Variants in ADGRV1 observed in about 807,000 individuals in gnomAD.
ADGRV1 encodes the protein adhesion G protein-coupled receptor V1.
In ADGRV1, 359 loss-of-function variants were observed where a neutral mutation model predicts 596.2. The observed-to-expected ratio is 0.60, with a 90% CI of 0.55 to 0.66. ADGRV1 has a LOEUF of 0.66. Ranked by LOEUF, ADGRV1 falls within the 30% of genes least tolerant of loss-of-function variation. ADGRV1 has a pLI of 0.00. For synonymous variants in ADGRV1, 2,681 were observed against 2,679.2 expected (o/e 1.00, Z -0.02); for missense variants, 7,274 against 7,575.6 (o/e 0.96, Z 1.48).
rs139475646 is a variant in ADGRV1 at position 90,682,454 on chromosome 5, A to G, written c.5664+1000A>G. Among the ~76,000 whole-genome samples the G allele has an allele frequency of 1.6e-4, 25 of 152,354 alleles. 1 individual carries two copies. The highest frequency in any genetic ancestry group is 5.8e-4 in the African/African-American group (24 of 41,582). On this transcript the variant is annotated intron_variant, in intron 27 of 89. Transcript: ENST00000405460. ...CTAAAACATGGGTGAACTGGCAATA[A>G]CAATAACTCTATATGATGTGTGTGT... is the stretch of plus-strand genomic sequence containing the variant.
chr5:90,839,586 C>CT (rs1337918268), intron 77 of ADGRV1, among the ~76,000 whole-genome samples: 1 of 152,172 alleles, frequency 6.6e-6, no homozygotes, highest in African/African-American at 2.4e-5. Context: ...CTTGAACAGA[C>CT]TAAGATGGTT....
intron 85 of ADGRV1, among the ~76,000 whole-genome samples, chr5:91,054,116 A>T (rs1300078784): frequency 3.3e-5 from 5 of 151,550 alleles, no homozygotes; most frequent in Non-Finnish European, 4.4e-5. Context: ...AGAGAGAGAG[A>T]GAGAGAGAGA....
At chr5:90,763,618 A>C (rs1756755767) in intron 59 of ADGRV1, 149 bp downstream of exon 59, 2 of 672,718 alleles carry the variant, frequency 3.0e-6, no homozygotes, top group Non-Finnish European at 4.7e-6. Context: ...TAGTGAGCCC[A>C]TAACCCAAAT....
At position 91,164,218 on chromosome 5, in the gene ADGRV1, T is replaced by G. The variant is rs1353846914; in HGVS notation, c.*318T>G. On this transcript the variant is annotated 3_prime_UTR_variant, in exon 90 of 90. Coordinates refer to ENST00000405460, the MANE Select transcript of ADGRV1 (RefSeq NM_032119.4). The stretch of plus-strand genomic sequence containing the variant: ...TAATCAATAAAGCAATAGAATCTAT[T>G]TGGTATCATCCAGCTTCATTATTGA... 1 of 375,042 alleles carries G rather than the reference T, an allele frequency of 2.7e-6. No individual in the cohort carries two copies. Among genetic ancestry groups the G allele is most frequent in the African/African-American group, 2.1e-5 (1 of 47,992 alleles). 23.2% of individuals were successfully genotyped at this position (375,042 alleles called of 1,614,324 possible).
At chr5:90,951,167 C>T (rs1057035199) in intron 83 of ADGRV1, among the ~76,000 whole-genome samples, 2 of 152,108 alleles carry the variant, frequency 1.3e-5, no homozygotes, top group Non-Finnish European at 2.9e-5. Flanking sequence ...TAATGTCGTC[C>T]GTATAGCCCA....
At chr5:91,013,260 T>C (rs948562761) in intron 85 of ADGRV1, among the ~76,000 whole-genome samples, 7 of 151,876 alleles carry the variant, frequency 4.6e-5, no homozygotes, top group African/African-American at 1.7e-4. Context: ...ATGATAGATC[T>C]GCTTTTAGCT....
intron 64 of ADGRV1, 80 bp from the exon 65 acceptor site, chr5:90,781,350 C>A: frequency 2.8e-6 from 3 of 1,079,860 alleles, no homozygotes; most frequent in Non-Finnish European, 4.2e-6. Context: ...CTAAGAGGAT[C>A]TTTTAATTCA....
intron 83 of ADGRV1, among the ~76,000 whole-genome samples, chr5:90,867,496 G>A (rs1045425759): frequency 6.6e-6 from 1 of 152,112 alleles, no homozygotes; most frequent in South Asian, 2.1e-4. Flanking sequence ...CTGTTTCCCA[G>A]GGAGGATCCT....
At chr5:91,026,223 T>G (rs1188641425) in intron 85 of ADGRV1, among the ~76,000 whole-genome samples, 1 of 152,080 alleles carries the variant, frequency 6.6e-6, no homozygotes, top group Non-Finnish European at 1.5e-5. Context: ...CAAACAAGAT[T>G]AAATATTTGC....
chr5:91,089,630 T>C (rs894204635), intron 86 of ADGRV1, among the ~76,000 whole-genome samples: 1 of 152,204 alleles, frequency 6.6e-6, no homozygotes, highest in African/African-American at 2.4e-5. Context: ...TCTTTAGGGT[T>C]AATTTTCCTG....
At chr5:90,861,589 C>A (rs753192370) in intron 82 of ADGRV1, among the ~76,000 whole-genome samples, 7 of 151,098 alleles carry the variant, frequency 4.6e-5, no homozygotes, top group Non-Finnish European at 8.9e-5. Flanking sequence ...GATTACAGGC[C>A]TGAGCCACCA....
chr5:90,949,863 CTT>C (rs147388165), intron 83 of ADGRV1, among the ~76,000 whole-genome samples: 18,377 of 152,146 alleles, frequency 0.12, 1,099 homozygotes, highest in East Asian at 0.18. Context: ...TGCATTGACT[CTT>C]TGGAAGTGAC....
At chr5:90,776,695 T>G in intron 61 of ADGRV1, 119 bp downstream of exon 61, 1 of 1,112,686 alleles carries the variant, frequency 9.0e-7, no homozygotes, top group Non-Finnish European at 1.3e-6. Flanking sequence ...ACATTCTATA[T>G]ACTGTTAACA....
chr5:90,730,965 A>G (rs1752471815), intron 50 of ADGRV1, among the ~76,000 whole-genome samples: 1 of 152,222 alleles, frequency 6.6e-6, no homozygotes, highest in African/African-American at 2.4e-5. Context: ...ATGTAAGTCA[A>G]TGTTACCATG....
chr5:90,774,737 A>C (rs943321846), intron 60 of ADGRV1, among the ~76,000 whole-genome samples: 2 of 152,174 alleles, frequency 1.3e-5, no homozygotes, highest in African/African-American at 4.8e-5. Context: ...CACGTTAAGA[A>C]AACAGGTTTT....
chr5:90,879,138 G>C (rs78750530), intron 83 of ADGRV1, among the ~76,000 whole-genome samples: 20,575 of 152,134 alleles, frequency 0.14, 2,448 homozygotes, highest in African/African-American at 0.31. Context: ...ACTAGCAAAA[G>C]CTGAATGAGG....
In ADGRV1 at chr5:90,956,628, T is replaced by C. The variant is rs192136670; in HGVS notation, c.17857-8787T>C. Among the ~76,000 whole-genome samples, 14 of 152,334 alleles carry C rather than the reference T, an allele frequency of 9.2e-5. No individual in the cohort carries two copies. The East Asian group carries it at 2.7e-3, about 29-fold the overall frequency. On this transcript the variant is annotated intron_variant, in intron 83 of 89. Transcript: ENST00000405460. ...ATGATCTTGATGTTTCAGCTTGATA[T>C]TTCAGCCAGCCTTTGCACTCGTTGT...
At chr5:91,051,537 ATTTTTTTTTT>A (rs1192844206) in intron 85 of ADGRV1, among the ~76,000 whole-genome samples, 7 of 102,482 alleles carry the variant, frequency 6.8e-5, no homozygotes, top group Non-Finnish European at 7.3e-5. Context: ...TTGACTTAGG[ATTTTTTTTTT>A]TTTTTTTTTT....
At chr5:90,708,245 A>G (rs536318443) in intron 38 of ADGRV1, among the ~76,000 whole-genome samples, 1 of 152,244 alleles carries the variant, frequency 6.6e-6, no homozygotes, top group East Asian at 1.9e-4. Flanking sequence ...GATTAATAAT[A>G]ATAGCTATTA....
Sources: allele counts gnomAD v4.1 joint callset (sites outside exome capture counted in the v4.1 genomes callset), GRCh38; gene constraint gnomAD v4.1.1; transcripts MANE v1.5; gene names NCBI Gene and HGNC (gene_info 2026-07-23, HGNC 2026-07-21).